MRGBP: variants seen among roughly 807,000 people sequenced by gnomAD.
MRGBP encodes the protein MRG/MORF4L-binding protein.
MRGBP carries 5 observed loss-of-function variants against 21.5 expected under a neutral mutation model. The observed-to-expected ratio is 0.23, with a 90% confidence interval of 0.12 to 0.49. MRGBP has a LOEUF of 0.49. Among genes scored for constraint, MRGBP ranks in the 20% least tolerant of loss-of-function variants. MRGBP has a pLI of 0.98. For synonymous variants in MRGBP, 118 were observed against 104.4 expected, an observed-to-expected ratio of 1.13 and a Z score of -0.79; for missense variants, 227 against 277.4, an observed-to-expected ratio of 0.82 and a Z score of 1.29.
Position 62,796,507 on chromosome 20 carries a change from T to G in MRGBP, c.-17T>G, listed in dbSNP as rs1990336204. The G allele has an allele frequency of 1.8e-5, 20 of 1,136,500 alleles. No homozygotes were observed. In the South Asian group the frequency reaches 8.0e-4, roughly 46 times the overall value. The allele number at this position is 1,136,500 out of a possible 1,614,324, so 70.4% of individuals were successfully genotyped here. A position where few individuals can be genotyped will look rare whatever the true frequency, so the allele number is the denominator to read the frequency against. On this transcript the variant is annotated 5_prime_UTR_variant, in exon 1 of 5. Coordinates refer to ENST00000370487, the MANE Select transcript of MRGBP (RefSeq NM_018270.6). ...CCTGCTCCCGCCGGGGGCTCCTTGC[T>G]CGGCCGGGCCGCGGCCATGGGAGAG...
At chr20:62,797,730 C>G (rs1187961038) in intron 2 of MRGBP, among the ~76,000 whole-genome samples, 1 of 152,224 alleles carries the variant, frequency 6.6e-6, no homozygotes, top group Non-Finnish European at 1.5e-5. Context: ...TTGGTGACTT[C>G]TGTGGGAGTC....
intron 1 of MRGBP, 65 bp downstream of exon 1, chr20:62,796,736 C>G: frequency 8.4e-7 from 1 of 1,189,638 alleles, no homozygotes. Flanking sequence ...GGGGCGGGGC[C>G]TGCGCTCGCG....
In MRGBP at chr20:62,799,660, G is replaced by A; in HGVS notation, c.*17G>A. On this transcript the variant is annotated 3_prime_UTR_variant, in exon 5 of 5. Coordinates refer to ENST00000370487, the MANE Select transcript of MRGBP (RefSeq NM_018270.6). ...CGCACGTAGACCCTCAGCCCTGGTGGCGGCAGAGAAGCGGGCGAGGCACTG... is the reference window on the plus strand; with the variant it reads ...CGCACGTAGACCCTCAGCCCTGGTGACGGCAGAGAAGCGGGCGAGGCACTG... The A allele has an allele frequency of 6.2e-7, 1 of 1,600,220 alleles. No homozygotes were observed. The highest frequency in any genetic ancestry group is 8.5e-7 in the Non-Finnish European group (1 of 1,172,404).
rs1990470625 is a variant in MRGBP, at chr20:62,801,722, C to T, written c.*2079C>T. The stretch of plus-strand genomic sequence containing the variant: ...GAAAGCCTAGTTAATAAATCTGCCT[C>T]ATCTCGATTACTGTAACATTTTGCT... On this transcript the variant is annotated 3_prime_UTR_variant, in exon 5 of 5. Transcript: ENST00000370487. 3 of 152,282 alleles carry T rather than the reference C, an allele frequency of 2.0e-5. No homozygotes were observed. Among genetic ancestry groups the T allele is most frequent in the Admixed American group, 2.0e-4 (3 of 15,284 alleles). 9.4% of individuals were successfully genotyped at this position (152,282 alleles called of 1,614,324 possible). A position where few individuals can be genotyped will look rare whatever the true frequency, so the allele number is the denominator to read the frequency against.
At position 62,798,618 on chromosome 20, in the gene MRGBP, C is replaced by T; in HGVS notation, c.302C>T (p.Pro101Leu). The change falls in exon 3 of 5, where the codon CCA (proline) becomes CTA (leucine). Residue 101 changes from proline (P) to leucine (L), a missense_variant. Pro to Leu is a moderately conservative substitution (Grantham distance 98). This residue lies in a region of MRGBP where 162 missense variants were observed against 227.7 expected (regional missense o/e 0.71). Transcript: ENST00000370487. ...HESEILPFPN[P>L]ERNFVLPEEI... ...TCTGAGATTCTTCCATTCCCGAATCCAGAGAGGAACTTCGTCCTTCCAGAA... is the reference window on the plus strand; with the variant it reads ...TCTGAGATTCTTCCATTCCCGAATCTAGAGAGGAACTTCGTCCTTCCAGAA... 1 of 1,613,712 alleles carries T rather than the reference C, an allele frequency of 6.2e-7. No individual in the cohort carries two copies. The highest frequency in any genetic ancestry group is 8.5e-7 in the Non-Finnish European group (1 of 1,179,866).
At chr20:62,798,917 C>T in intron 3 of MRGBP, 58 bp from the exon 4 acceptor site, 1 of 1,609,218 alleles carries the variant, frequency 6.2e-7, no homozygotes, top group Non-Finnish European at 8.5e-7. Context: ...GCCTGACCAT[C>T]CCCCAGCGTC....
intron 2 of MRGBP, among the ~76,000 whole-genome samples, chr20:62,798,362 C>T (rs1029408728): frequency 6.6e-6 from 1 of 152,164 alleles, no homozygotes; most frequent in East Asian, 1.9e-4. Context: ...CATCTGCTGC[C>T]GCTGGTTCTG....
intron 1 of MRGBP, 52 bp from the exon 2 acceptor site, chr20:62,797,058 C>A: frequency 6.8e-7 from 1 of 1,469,418 alleles, no homozygotes; most frequent in Non-Finnish European, 9.1e-7. Context: ...TCCCCTCCAT[C>A]CCCTTTCTCC....
chr20:62,798,162 C>T (rs371326591), intron 2 of MRGBP, among the ~76,000 whole-genome samples: 4 of 152,346 alleles, frequency 2.6e-5, no homozygotes, highest in East Asian at 1.9e-4. Context: ...GATGAGAACT[C>T]GAGGTGCCTG....
rs762830310 is a variant in MRGBP, at chr20:62,797,073, C to G, written c.149-37C>G. 5 of 1,568,978 alleles carry G rather than the reference C, an allele frequency of 3.2e-6. No homozygotes were observed. In the East Asian group the frequency reaches 9.4e-5, roughly 29 times the overall value. On this transcript the variant is annotated intron_variant, in intron 1 of 4. Coordinates refer to ENST00000370487, the MANE Select transcript of MRGBP (RefSeq NM_018270.6). Reference sequence around the variant, plus strand: ...TCCCCTCCATCCCCTTTCTCCTCACCGCTCACCGGTTATCCCGCCGCCCCT... The same window carrying G: ...TCCCCTCCATCCCCTTTCTCCTCACGGCTCACCGGTTATCCCGCCGCCCCT...
chr20:62,798,435 G>T, intron 2 of MRGBP, 152 bp from the exon 3 acceptor site: 1 of 632,420 alleles, frequency 1.6e-6, no homozygotes, highest in South Asian at 1.7e-5. Flanking sequence ...AAGAAGAAAT[G>T]CCCTTTGCCC....
Position 62,797,159 on chromosome 20 carries a change from G to C in MRGBP, c.198G>C (p.Gln66His). The change falls in exon 2 of 5, where the codon CAG becomes CAC. Residue 66 changes from glutamine to histidine, a missense_variant. Physicochemically the swap from Gln to His is conservative, Grantham distance 24. This residue lies in a region of MRGBP where 162 missense variants were observed against 227.7 expected (regional missense o/e 0.71). Coordinates refer to ENST00000370487, the MANE Select transcript of MRGBP (RefSeq NM_018270.6). ...TTTGTATTCGGGACAAGTTCAGCCA[G>C]AACATCGGGCGGCAGGTCCCATCCA... ...HMICIRDKFS[Q>H]NIGRQVPSKV... is the part of the protein sequence containing the mutation. 6.2e-7 allele frequency: 1 copy of C among 1,607,384 alleles called. No homozygotes were observed. Among genetic ancestry groups the C allele is most frequent in the Non-Finnish European group, 8.5e-7 (1 of 1,178,076 alleles).
At position 62,799,907 on chromosome 20, in the gene MRGBP, C is replaced by T. The variant is rs930748914; in HGVS notation, c.*264C>T. ...TGAGGGCTCTGAAGCCTAGTTCTGT[C>T]TTCTCTGGAGCAGCTGTGGCTTCCC... On this transcript the variant is annotated 3_prime_UTR_variant, in exon 5 of 5. Coordinates refer to ENST00000370487, the MANE Select transcript of MRGBP (RefSeq NM_018270.6). 4 of 407,478 alleles carry T rather than the reference C, an allele frequency of 9.8e-6. No homozygotes were observed. Among genetic ancestry groups the T allele is most frequent in the African/African-American group, 8.0e-5 (4 of 49,862 alleles). 25.2% of individuals were successfully genotyped at this position (407,478 alleles called of 1,614,324 possible).
intron 2 of MRGBP, among the ~76,000 whole-genome samples, chr20:62,797,988 G>T (rs1487060592): frequency 1.3e-5 from 2 of 151,378 alleles, no homozygotes; most frequent in African/African-American, 4.9e-5. Context: ...AGCCACGTTG[G>T]ACTCAGGGCC....
Position 62,799,637 on chromosome 20 carries a change from C to T in MRGBP, c.609C>T (p.Arg203=). 1 of 1,609,996 alleles carries T rather than the reference C, an allele frequency of 6.2e-7. No homozygotes were observed. Among genetic ancestry groups the T allele is most frequent in the Non-Finnish European group, 8.5e-7 (1 of 1,177,756 alleles). Reference sequence around the variant, plus strand: ...GTCCCAGTGCTGCCAAGCGGCGCCGCACGTAGACCCTCAGCCCTGGTGGCG... The same window carrying T: ...GTCCCAGTGCTGCCAAGCGGCGCCGTACGTAGACCCTCAGCCCTGGTGGCG... ...PSSPSAAKRR[R]T Residue 203 remains arginine, a synonymous_variant, in exon 5 of 5, where the codon CGC becomes CGT. Transcript: ENST00000370487.
rs1032975740 is a variant in MRGBP, at chr20:62,796,494, G to T, written c.-30G>T. The T allele has an allele frequency of 6.3e-6, 7 of 1,118,626 alleles. No individual in the cohort carries two copies. The African/African-American group carries it at 1.2e-4, about 19-fold the overall frequency. The allele number at this position is 1,118,626 out of a possible 1,614,324, so 69.3% of individuals were successfully genotyped here. A position where few individuals can be genotyped will look rare whatever the true frequency, so the allele number is the denominator to read the frequency against. ...GCTCGTGGCCGCGCCTGCTCCCGCCGGGGGCTCCTTGCTCGGCCGGGCCGC... is the reference window on the plus strand; with the variant it reads ...GCTCGTGGCCGCGCCTGCTCCCGCCTGGGGCTCCTTGCTCGGCCGGGCCGC... On this transcript the variant is annotated 5_prime_UTR_variant, in exon 1 of 5. Transcript: ENST00000370487.
rs1990465925 is a variant in MRGBP, at chr20:62,801,583, A to G, written c.*1940A>G. 1 of 152,470 alleles carries G rather than the reference A, an allele frequency of 6.6e-6. No individual in the cohort carries two copies. The highest frequency in any genetic ancestry group is 1.5e-5 in the Non-Finnish European group (1 of 68,240). The allele number at this position is 152,470 out of a possible 1,614,324, so 9.4% of individuals were successfully genotyped here. A position where few individuals can be genotyped will look rare whatever the true frequency, so the allele number is the denominator to read the frequency against. The stretch of plus-strand genomic sequence containing the variant: ...AGAAGCAGCAGGGCAAAGGGGGGCA[A>G]ATACTAACACGGGGTGTCACGGGAT... On this transcript the variant is annotated 3_prime_UTR_variant, in exon 5 of 5. Transcript: ENST00000370487.
At chr20:62,799,311 C>T in intron 4 of MRGBP, 145 bp from the exon 5 acceptor site, 1 of 993,726 alleles carries the variant, frequency 1.0e-6, no homozygotes, top group South Asian at 1.7e-5. Context: ...CTCTGTGGGC[C>T]CAAATGCAAG....
At chr20:62,798,920 C>T in intron 3 of MRGBP, 55 bp from the exon 4 acceptor site, 2 of 1,610,174 alleles carry the variant, frequency 1.2e-6, no homozygotes, top group Non-Finnish European at 8.5e-7. Context: ...TGACCATCCC[C>T]CAGCGTCGGC....
Sources: gnomAD v4.1 joint callset for allele counts (sites outside exome capture counted in the v4.1 genomes callset) on GRCh38, gnomAD v4.1.1 for gene constraint, gnomAD v4.1.1 regional missense constraint, MANE v1.5 for transcripts, NCBI Gene and HGNC (gene_info 2026-07-23, HGNC 2026-07-21) for gene names.